CALML4: variants seen among roughly 807,000 people sequenced by gnomAD.
The protein encoded by CALML4 is calmodulin-like protein 4.
CALML4 carries 16 observed loss-of-function variants against 17.9 expected under a neutral mutation model. The ratio of observed to expected loss-of-function variants is 0.89; its 90% CI spans 0.61 to 1.36. The LOEUF (loss-of-function observed/expected upper bound fraction) is 1.36, where lower values mean the gene tolerates loss of function less well. CALML4 is among the 40% of genes most tolerant of loss of function. The pLI, the probability that CALML4 is intolerant of heterozygous loss-of-function variation, is 0.00. For synonymous variants in CALML4, 86 were observed against 71.5 expected (o/e 1.20, Z -1.02); for missense variants, 203 against 194.8 (o/e 1.04, Z -0.25).
chr15:68,200,547 G>A lies in CALML4; in HGVS notation c.35-866C>T, dbSNP rs2093162229. ...CCAGGAAGGCCAGCTGGGAGTTCAG[G>A]AAAAGTCCCTGAACCGCACTGACTG... On this transcript the variant is annotated intron_variant, in intron 2 of 4. Coordinates refer to ENST00000467889, the MANE Select transcript of CALML4 (RefSeq NM_033429.3). This position sits in a 1 kb window ranked among gnomAD's most constrained non-coding sequence, Gnocchi z 4.3. Among the ~76,000 whole-genome samples the A allele has an allele frequency of 6.6e-6, 1 of 152,230 alleles. No homozygotes were observed. The highest frequency in any genetic ancestry group is 1.5e-5 in the Non-Finnish European group (1 of 68,038).
chr15:68,201,732 G>T (rs571332002), intron 2 of CALML4, among the ~76,000 whole-genome samples: 1 of 152,186 alleles, frequency 6.6e-6, no homozygotes, highest in Admixed American at 6.5e-5. Flanking sequence ...CATCAGATAC[G>T]TGCTGTCTCC....
At position 68,205,027 on chromosome 15, in the gene CALML4, C is replaced by G; in HGVS notation, c.34+94G>C. On this transcript the variant is annotated intron_variant, in intron 2 of 4. Transcript: ENST00000467889. The surrounding 1 kb of genome is among the most constrained non-coding windows in gnomAD (Gnocchi z 4.8). ...GGTGGGCCCAGCTCTCCCACAGCCA[C>G]CTTCCTTCCCACCAAGAAAACATGA... 2 of 1,482,198 alleles carry G rather than the reference C, an allele frequency of 1.3e-6. No individual in the cohort carries two copies. Among genetic ancestry groups the G allele is most frequent in the Non-Finnish European group, 1.9e-6 (2 of 1,067,136 alleles). 91.8% of individuals were successfully genotyped at this position (1,482,198 alleles called of 1,614,324 possible). A position where few individuals can be genotyped will look rare whatever the true frequency, so the allele number is the denominator to read the frequency against.
rs2093131329 is a variant in CALML4 at position 68,193,886 on chromosome 15, C to G, written c.*129G>C. 3.1e-6 allele frequency: 2 copies of G among 642,826 alleles called. No homozygotes were observed. The highest frequency in any genetic ancestry group is 5.4e-5 in the East Asian group (2 of 36,744). 39.8% of individuals were successfully genotyped at this position (642,826 alleles called of 1,614,324 possible). ...CTATTATTGTTGCTAGTTAGCCTCT[C>G]TTCTATAGTTGGGTAATGTTGTCTT... On this transcript the variant is annotated 3_prime_UTR_variant, in exon 5 of 5. Coordinates refer to ENST00000467889, the MANE Select transcript of CALML4 (RefSeq NM_033429.3).
At chr15:68,195,153 A>G (rs2093138542) in intron 4 of CALML4, among the ~76,000 whole-genome samples, 1 of 151,920 alleles carries the variant, frequency 6.6e-6, no homozygotes, top group Admixed American at 6.6e-5. Flanking sequence ...TTCAGCTTGT[A>G]TTCTCCACAA....
rs1253674420 is a variant in CALML4, at chr15:68,193,510, T to G, written c.*505A>C. The G allele has an allele frequency of 6.5e-6, 1 of 153,612 alleles. No individual in the cohort carries two copies. Among genetic ancestry groups the G allele is most frequent in the Non-Finnish European group, 1.5e-5 (1 of 68,920 alleles). The allele number at this position is 153,612 out of a possible 1,614,324, so 9.5% of individuals were successfully genotyped here. On this transcript the variant is annotated 3_prime_UTR_variant, in exon 5 of 5. Transcript: ENST00000467889. ...TTACAGCTTTCTGTTCATTGCTGCT[T>G]CTCAGCTAGCACTGGCTTCATCTTG...
At chr15:68,194,760 A>T (rs2093135896) in intron 4 of CALML4, among the ~76,000 whole-genome samples, 1 of 151,860 alleles carries the variant, frequency 6.6e-6, no homozygotes, top group Non-Finnish European at 1.5e-5. Flanking sequence ...TTTGGCCTGG[A>T]GTTTTTACCT....
rs774701043 is a variant in CALML4, at chr15:68,205,258, C to T, written c.-11G>A. The stretch of plus-strand genomic sequence containing the variant: ...CCTCACACTCACCATTCTGGGGCCT[C>T]GGCTGCTACCCGTGGGCTTGCTGCT... On this transcript the variant is annotated 5_prime_UTR_variant, in exon 1 of 5. Coordinates refer to ENST00000467889, the MANE Select transcript of CALML4 (RefSeq NM_033429.3). The surrounding 1 kb of genome is among the most constrained non-coding windows in gnomAD (Gnocchi z 4.8). 1.3e-5 allele frequency: 21 copies of T among 1,614,014 alleles called. No individual in the cohort carries two copies. In the Admixed American group the frequency reaches 1.5e-4, roughly 12 times the overall value.
chr15:68,201,938 C>G (rs373796177), intron 2 of CALML4, among the ~76,000 whole-genome samples: 13 of 152,326 alleles, frequency 8.5e-5, no homozygotes, highest in African/African-American at 2.2e-4. Context: ...CTCTAACATA[C>G]TAGCACATAT....
chr15:68,200,572 G>A lies in CALML4; in HGVS notation c.35-891C>T, dbSNP rs1013493729. 6.6e-6 allele frequency among the ~76,000 whole-genome samples: 1 copy of A among 152,204 alleles called. No individual in the cohort carries two copies. Among genetic ancestry groups the A allele is most frequent in the East Asian group, 1.9e-4 (1 of 5,176 alleles). ...GAAAAGTCCCTGAACCGCACTGACT[G>A]AGCATCTGATTTAGGGGTAGGTGGG... is the stretch of plus-strand genomic sequence containing the variant. On this transcript the variant is annotated intron_variant, in intron 2 of 4. Transcript: ENST00000467889. This position sits in a 1 kb window ranked among gnomAD's most constrained non-coding sequence, Gnocchi z 4.3.
chr15:68,199,105 T>C (rs1048143365), intron 3 of CALML4, among the ~76,000 whole-genome samples: 2 of 147,772 alleles, frequency 1.4e-5, no homozygotes, highest in African/African-American at 5.0e-5. Context: ...GAGGTTGCAG[T>C]GAGCCGAGAT....
At position 68,199,442 on chromosome 15, in the gene CALML4, G is replaced by A. The variant is rs113764759; in HGVS notation, c.175+99C>T. The A allele has an allele frequency of 3.4e-4, 458 of 1,352,882 alleles. 2 individuals are homozygous for A. The African/African-American group carries it at 6.0e-3, about 18-fold the overall frequency. The allele number at this position is 1,352,882 out of a possible 1,614,324, so 83.8% of individuals were successfully genotyped here. A position where few individuals can be genotyped will look rare whatever the true frequency, so the allele number is the denominator to read the frequency against. ...AGCTGGATCCCCAGGAGGCCTCCCT[G>A]CCACCTGCCCCTCAAACTGCTGAGC... On this transcript the variant is annotated intron_variant, in intron 3 of 4. Transcript: ENST00000467889.
chr15:68,195,596 G>A (rs2093140846), intron 4 of CALML4, among the ~76,000 whole-genome samples: 1 of 152,172 alleles, frequency 6.6e-6, no homozygotes, highest in Non-Finnish European at 1.5e-5. Context: ...CCCATAGAAA[G>A]CCAAAGTGCT....
intron 4 of CALML4, among the ~76,000 whole-genome samples, chr15:68,196,379 G>A (rs2093144661): frequency 6.6e-6 from 1 of 152,212 alleles, no homozygotes; most frequent in Admixed American, 6.5e-5. Context: ...CAAGGAAAGC[G>A]AGGTGGGAGA....
chr15:68,196,612 A>AGCTG (rs924798755), intron 4 of CALML4, among the ~76,000 whole-genome samples: 14 of 151,720 alleles, frequency 9.2e-5, no homozygotes, highest in Admixed American at 4.6e-4. Flanking sequence ...GCAGAGGCAG[A>AGCTG]GCTGGCTGGC....
Position 68,194,013 on chromosome 15 carries a change from C to CTTCAATAGTCCCGTCCAGGAA in CALML4, c.443_*1dup. 1 of 1,611,302 alleles carries CTTCAATAGTCCCGTCCAGGAA rather than the reference C, an allele frequency of 6.2e-7. No homozygotes were observed. Among genetic ancestry groups the CTTCAATAGTCCCGTCCAGGAA allele is most frequent in the Non-Finnish European group, 8.5e-7 (1 of 1,177,560 alleles). On this transcript the variant is annotated 3_prime_UTR_variant, in exon 5 of 5. Coordinates refer to ENST00000467889, the MANE Select transcript of CALML4 (RefSeq NM_033429.3). ...CAGGGGAGGCTCTCCCATTCTCCTC[C>CTTCAATAGTCCCGTCCAGGAA]TTCAATAGTCCCGTCCAGGAAGGGT... is the stretch of plus-strand genomic sequence containing the variant.
At position 68,200,313 on chromosome 15, in the gene CALML4, G is replaced by C. The variant is rs1218722190; in HGVS notation, c.35-632C>G. Among the ~76,000 whole-genome samples, 1 of 152,188 alleles carries C rather than the reference G, an allele frequency of 6.6e-6. No homozygotes were observed. The highest frequency in any genetic ancestry group is 1.5e-5 in the Non-Finnish European group (1 of 68,032). On this transcript the variant is annotated intron_variant, in intron 2 of 4. Coordinates refer to ENST00000467889, the MANE Select transcript of CALML4 (RefSeq NM_033429.3). The surrounding 1 kb of genome is among the most constrained non-coding windows in gnomAD (Gnocchi z 4.3). Reference sequence around the variant, plus strand: ...CTATTGCCCCTGCCCTGGCCTCCAGGCTGCTAAACCCTCAAGCTGTCCTTG... The same window carrying C: ...CTATTGCCCCTGCCCTGGCCTCCAGCCTGCTAAACCCTCAAGCTGTCCTTG...
At chr15:68,202,950 A>G (rs2093170058) in intron 2 of CALML4, among the ~76,000 whole-genome samples, 1 of 151,422 alleles carries the variant, frequency 6.6e-6, no homozygotes, top group Non-Finnish European at 1.5e-5. Flanking sequence ...GAGTAGCTGG[A>G]ATTACAGGTG....
At position 68,200,462 on chromosome 15, in the gene CALML4, C is replaced by G. The variant is rs1052470166; in HGVS notation, c.35-781G>C. 1.2e-4 allele frequency among the ~76,000 whole-genome samples: 18 copies of G among 152,214 alleles called. No homozygotes were observed. Among genetic ancestry groups the G allele is most frequent in the African/African-American group, 4.1e-4 (17 of 41,474 alleles). On this transcript the variant is annotated intron_variant, in intron 2 of 4. Coordinates refer to ENST00000467889, the MANE Select transcript of CALML4 (RefSeq NM_033429.3). This position sits in a 1 kb window ranked among gnomAD's most constrained non-coding sequence, Gnocchi z 4.3. ...TGGAAGGCAGCCGGAGCTAGCTCCC[C>G]TAAACCCACAGACTCCCGGCCTGAC...
Position 68,190,959 on chromosome 15 carries a change from AC to A in CALML4, c.*3055del, listed in dbSNP as rs1291587355. 1 of 152,216 alleles carries A rather than the reference AC, an allele frequency of 6.6e-6. No individual in the cohort carries two copies. The highest frequency in any genetic ancestry group is 6.5e-5 in the Admixed American group (1 of 15,280). 9.4% of individuals were successfully genotyped at this position (152,216 alleles called of 1,614,324 possible). A position where few individuals can be genotyped will look rare whatever the true frequency, so the allele number is the denominator to read the frequency against. ...TGAAATGGAGTGAAAATATATCCTA[AC>A]TAAATTAATGTGGAAAGAGCATTTT... On this transcript the variant is annotated 3_prime_UTR_variant, in exon 5 of 5. Coordinates refer to ENST00000467889, the MANE Select transcript of CALML4 (RefSeq NM_033429.3). The surrounding 1 kb of genome is among the most constrained non-coding windows in gnomAD (Gnocchi z 4.7).
Sources: gnomAD v4.1 joint callset for allele counts (sites outside exome capture counted in the v4.1 genomes callset) on GRCh38, gnomAD v4.1.1 for gene constraint, Gnocchi (gnomAD v3.1) non-coding constraint, MANE v1.5 for transcripts, NCBI Gene and HGNC (gene_info 2026-07-23, HGNC 2026-07-21) for gene names.